Variants in ATF6 observed in about 807,000 individuals in gnomAD.
ATF6 encodes the protein cyclic AMP-dependent transcription factor ATF-6 alpha.
A neutral mutation model predicts 83.6 loss-of-function variants in ATF6; 53 were observed. The ratio of observed to expected loss-of-function variants is 0.63; its 90% CI spans 0.51 to 0.80. ATF6 has a LOEUF of 0.80. Among genes scored for constraint, ATF6 ranks in the 30% least tolerant of loss-of-function variants. ATF6 has a pLI of 0.00. For synonymous variants in ATF6, 288 were observed against 285.8 expected (o/e 1.01, Z -0.08); for missense variants, 744 against 797.9 (o/e 0.93, Z 0.81).
chr1:161,773,140 A>ATTTTTTTTTTT lies in ATF6; in HGVS notation c.83-5101_83-5091dup, dbSNP rs759769528. Among the ~76,000 whole-genome samples, 22 of 130,078 alleles carry ATTTTTTTTTTT rather than the reference A, an allele frequency of 1.7e-4. No homozygotes were observed. In the East Asian group the frequency reaches 3.1e-3, roughly 18 times the overall value. The allele number at this position is 130,078 out of a possible 152,430, so 85.3% of individuals were successfully genotyped here. On this transcript the variant is annotated intron_variant, in intron 1 of 15. Coordinates refer to ENST00000367942, the MANE Select transcript of ATF6 (RefSeq NM_007348.4). ...GCCACCATGCCCGGCTACTTTTTGT[A>ATTTTTTTTTTT]TTTTTTTTTTTTTGAGACGGAGTCT... is the stretch of plus-strand genomic sequence containing the variant.
intron 15 of ATF6, among the ~76,000 whole-genome samples, chr1:161,932,797 T>C (rs1484456393): frequency 6.6e-6 from 1 of 152,182 alleles, no homozygotes; most frequent in Non-Finnish European, 1.5e-5. Flanking sequence ...AGTCTCATTT[T>C]TGGGGAGGAT....
Position 161,872,628 on chromosome 1 carries a change from C to T in ATF6, c.1719+9316C>T, listed in dbSNP as rs547139340. On this transcript the variant is annotated intron_variant, in intron 14 of 15. Coordinates refer to ENST00000367942, the MANE Select transcript of ATF6 (RefSeq NM_007348.4). Reference sequence around the variant, plus strand: ...AGAGGTCAAGGAAGAGTTCAGAAAACGAGGCTGTCAGTGGTATCAGATGTT... The same window carrying T: ...AGAGGTCAAGGAAGAGTTCAGAAAATGAGGCTGTCAGTGGTATCAGATGTT... Among the ~76,000 whole-genome samples, 6 of 151,534 alleles carry T rather than the reference C, an allele frequency of 4.0e-5. No homozygotes were observed. The South Asian group carries it at 6.2e-4, about 16-fold the overall frequency.
chr1:161,875,844 A>G (rs750616442), intron 14 of ATF6, among the ~76,000 whole-genome samples: 4 of 151,914 alleles, frequency 2.6e-5, no homozygotes, highest in Admixed American at 6.6e-5. Context: ...ATTTTGTCGT[A>G]CAGAATATTA....
At chr1:161,947,316 G>A (rs1032445499) in intron 15 of ATF6, among the ~76,000 whole-genome samples, 6 of 152,216 alleles carry the variant, frequency 3.9e-5, no homozygotes, top group Non-Finnish European at 8.8e-5. Flanking sequence ...ATTCTTGCTA[G>A]ATGGACTCAA....
intron 9 of ATF6, among the ~76,000 whole-genome samples, chr1:161,827,864 G>T (rs984048446): frequency 9.2e-5 from 14 of 151,992 alleles, no homozygotes; most frequent in African/African-American, 3.4e-4. Context: ...GACTTATAAG[G>T]GTTAATTTTT....
chr1:161,833,755 G>A (rs908949290), intron 9 of ATF6, among the ~76,000 whole-genome samples: 1 of 152,230 alleles, frequency 6.6e-6, no homozygotes, highest in South Asian at 2.1e-4. Flanking sequence ...ATGGGACTAT[G>A]TGAAAAGACC....
At chr1:161,883,529 A>G (rs1319334236) in intron 14 of ATF6, among the ~76,000 whole-genome samples, 4 of 152,026 alleles carry the variant, frequency 2.6e-5, no homozygotes, top group African/African-American at 4.8e-5. Context: ...AGTGACATCA[A>G]TTGATAATTG....
chr1:161,898,737 A>G (rs1558016272), intron 14 of ATF6, among the ~76,000 whole-genome samples: 3 of 151,912 alleles, frequency 2.0e-5, no homozygotes, highest in African/African-American at 7.3e-5. Context: ...TAGTAGAGAC[A>G]GGGTTTTACC....
At position 161,856,300 on chromosome 1, in the gene ATF6, A is replaced by G. The variant is rs558659895; in HGVS notation, c.1533+2977A>G. 3.3e-5 allele frequency among the ~76,000 whole-genome samples: 5 copies of G among 152,294 alleles called. No homozygotes were observed. In the East Asian group the frequency reaches 7.7e-4, roughly 24 times the overall value. On this transcript the variant is annotated intron_variant, in intron 12 of 15. Coordinates refer to ENST00000367942, the MANE Select transcript of ATF6 (RefSeq NM_007348.4). ...GCCTCTCCAACTTTTTTCACCTACTATAGTAGGCAACTTTATTGGTTGTTA... is the reference window on the plus strand; with the variant it reads ...GCCTCTCCAACTTTTTTCACCTACTGTAGTAGGCAACTTTATTGGTTGTTA...
chr1:161,818,988 G>A (rs1423714684), intron 7 of ATF6, among the ~76,000 whole-genome samples: 1 of 152,202 alleles, frequency 6.6e-6, no homozygotes, highest in Non-Finnish European at 1.5e-5. Flanking sequence ...ATGAGTGCCT[G>A]TATTAGGAGA....
At chr1:161,814,902 C>T (rs1299864647) in intron 7 of ATF6, among the ~76,000 whole-genome samples, 1 of 152,062 alleles carries the variant, frequency 6.6e-6, no homozygotes, top group East Asian at 1.9e-4. Context: ...ATGTTTACTG[C>T]AATACATATG....
At chr1:161,797,855 T>C (rs1370418117) in intron 6 of ATF6, among the ~76,000 whole-genome samples, 10 of 152,178 alleles carry the variant, frequency 6.6e-5, no homozygotes, top group African/African-American at 2.4e-4. Flanking sequence ...AGAGCCTAAA[T>C]AGCCAAAGCA....
intron 14 of ATF6, among the ~76,000 whole-genome samples, chr1:161,909,599 A>G (rs1024760153): frequency 6.6e-6 from 1 of 152,224 alleles, no homozygotes; most frequent in Non-Finnish European, 1.5e-5. Context: ...TTTAAAAGAA[A>G]ATATCCTCTG....
chr1:161,843,223 A>G (rs1001010152), intron 9 of ATF6, among the ~76,000 whole-genome samples: 1 of 152,184 alleles, frequency 6.6e-6, no homozygotes, highest in African/African-American at 2.4e-5. Flanking sequence ...TACCCACAGG[A>G]AACTCATGCA....
chr1:161,940,517 G>A (rs192349984), intron 15 of ATF6, among the ~76,000 whole-genome samples: 1 of 149,504 alleles, frequency 6.7e-6, no homozygotes, highest in African/African-American at 2.4e-5. Flanking sequence ...CCTCAGACCT[G>A]GCTGAAGAAT....
intron 15 of ATF6, among the ~76,000 whole-genome samples, chr1:161,917,499 C>G (rs1688124215): frequency 6.6e-6 from 1 of 151,816 alleles, no homozygotes; most frequent in Non-Finnish European, 1.5e-5. Flanking sequence ...CAGCTCACTG[C>G]AAGCTCCACC....
chr1:161,881,493 T>G (rs1687326646), intron 14 of ATF6, among the ~76,000 whole-genome samples: 1 of 152,114 alleles, frequency 6.6e-6, no homozygotes, highest in South Asian at 2.1e-4. Flanking sequence ...AGTGTTTATG[T>G]TTACTGGTTT....
At chr1:161,812,503 C>T (rs929217582) in intron 7 of ATF6, among the ~76,000 whole-genome samples, 1 of 146,482 alleles carries the variant, frequency 6.8e-6, no homozygotes, top group Non-Finnish European at 1.5e-5. Flanking sequence ...CGCCATTCTC[C>T]TGCCTCAGCC....
At chr1:161,790,011 T>C (rs1684840640) in intron 4 of ATF6, among the ~76,000 whole-genome samples, 1 of 152,222 alleles carries the variant, frequency 6.6e-6, no homozygotes, top group Non-Finnish European at 1.5e-5. Context: ...ATTTAAATTT[T>C]TTTTTATGAT....
Sources: allele counts gnomAD v4.1 joint callset (sites outside exome capture counted in the v4.1 genomes callset), GRCh38; gene constraint gnomAD v4.1.1; transcripts MANE v1.5; gene names NCBI Gene and HGNC (gene_info 2026-07-23, HGNC 2026-07-21).